CNTNAP5: variants seen among roughly 807,000 people sequenced by gnomAD.
CNTNAP5 encodes the protein contactin-associated protein-like 5.
In CNTNAP5, 72 loss-of-function variants were observed where a neutral mutation model predicts 150.2. That is an observed-to-expected ratio of 0.48 (90% CI 0.40 to 0.58). The LOEUF (loss-of-function observed/expected upper bound fraction) is 0.58. CNTNAP5 is among the 20% of genes least tolerant of loss of function. CNTNAP5 has a pLI of 0.00. For missense variants in CNTNAP5, 1,636 were observed against 1,626.2 expected (o/e 1.01, Z -0.10); for synonymous variants, 672 against 619.8 (o/e 1.08, Z -1.25).
chr2:124,555,737 T>C (rs1247525732), intron 10 of CNTNAP5, among the ~76,000 whole-genome samples: 1 of 152,186 alleles, frequency 6.6e-6, no homozygotes, highest in Non-Finnish European at 1.5e-5. Flanking sequence ...AACTCTGTCA[T>C]GTGCAAAAAA....
chr2:124,583,335 G>T (rs990744220), intron 11 of CNTNAP5, among the ~76,000 whole-genome samples: 1 of 152,160 alleles, frequency 6.6e-6, no homozygotes, highest in South Asian at 2.1e-4. Flanking sequence ...GTACATAGCC[G>T]GGAACGATAT....
At chr2:124,746,276 A>G (rs1393149475) in intron 13 of CNTNAP5, among the ~76,000 whole-genome samples, 1 of 152,202 alleles carries the variant, frequency 6.6e-6, no homozygotes, top group Non-Finnish European at 1.5e-5. Context: ...TCACTTTAAG[A>G]ATGATAATTC....
At chr2:124,844,515 G>C (rs192291763) in intron 19 of CNTNAP5, among the ~76,000 whole-genome samples, 30 of 152,060 alleles carry the variant, frequency 2.0e-4, no homozygotes, top group Admixed American at 1.0e-3. Flanking sequence ...GGTTCCATCT[G>C]AATTTTAGGA....
rs143615551 is a variant in CNTNAP5 at position 124,378,778 on chromosome 2, G to A, written c.382-38665G>A. Among the ~76,000 whole-genome samples, 244 of 152,154 alleles carry A rather than the reference G, an allele frequency of 1.6e-3. 1 individual carries two copies. The highest frequency in any genetic ancestry group is 5.5e-3 in the African/African-American group (230 of 41,524). On this transcript the variant is annotated intron_variant, in intron 3 of 23. Transcript: ENST00000682447. ...TATCTATTCTTGTTGGATGATGCTC[G>A]TATCGAGGTATTGCTGACTTCATTT...
intron 3 of CNTNAP5, among the ~76,000 whole-genome samples, chr2:124,356,263 A>C (rs1690001515): frequency 6.6e-6 from 1 of 151,974 alleles, no homozygotes; most frequent in Non-Finnish European, 1.5e-5. Flanking sequence ...ACTTTACTTT[A>C]GAAATATGCT....
chr2:124,683,786 C>A (rs1031746242), intron 13 of CNTNAP5, among the ~76,000 whole-genome samples: 3 of 152,054 alleles, frequency 2.0e-5, no homozygotes, highest in African/African-American at 4.8e-5. Context: ...ACTTTTCTAC[C>A]CTCTTCAAGA....
intron 3 of CNTNAP5, among the ~76,000 whole-genome samples, chr2:124,244,657 C>T (rs1469879945): frequency 6.6e-6 from 1 of 152,108 alleles, no homozygotes; most frequent in Non-Finnish European, 1.5e-5. Context: ...ACCATTACAA[C>T]TTCCAATTTA....
intron 1 of CNTNAP5, among the ~76,000 whole-genome samples, chr2:124,221,439 GC>G (rs1686309667): frequency 6.6e-6 from 1 of 152,090 alleles, no homozygotes; most frequent in African/African-American, 2.4e-5. Context: ...AATTCTGGCT[GC>G]GCTATTTTCT....
chr2:124,610,696 C>G (rs904920648), intron 12 of CNTNAP5, among the ~76,000 whole-genome samples: 1 of 152,050 alleles, frequency 6.6e-6, no homozygotes, highest in Non-Finnish European at 1.5e-5. Context: ...TGCGATGGCT[C>G]ACGCCTGTAA....
chr2:124,156,128 A>G (rs1255858849), intron 1 of CNTNAP5, among the ~76,000 whole-genome samples: 2 of 152,232 alleles, frequency 1.3e-5, no homozygotes, highest in Non-Finnish European at 2.9e-5. Flanking sequence ...GGTAATCTTG[A>G]TTTCGTAAAA....
chr2:124,278,643 A>T (rs974531839), intron 3 of CNTNAP5, among the ~76,000 whole-genome samples: 2 of 152,260 alleles, frequency 1.3e-5, no homozygotes, highest in South Asian at 4.1e-4. Context: ...ATCAAACCCA[A>T]TCTGCTCATT....
At chr2:124,410,057 C>G (rs951918246) in intron 3 of CNTNAP5, among the ~76,000 whole-genome samples, 11 of 151,598 alleles carry the variant, frequency 7.3e-5, no homozygotes, top group African/African-American at 2.4e-4. Flanking sequence ...AAATGGAAAA[C>G]AAAAAAAGGC....
At chr2:124,571,742 G>T (rs1696166923) in intron 11 of CNTNAP5, among the ~76,000 whole-genome samples, 1 of 151,342 alleles carries the variant, frequency 6.6e-6, no homozygotes. Flanking sequence ...ATGTAGATCA[G>T]GCTGGTCTCG....
At chr2:124,431,914 C>T (rs890992652) in intron 4 of CNTNAP5, among the ~76,000 whole-genome samples, 3 of 152,030 alleles carry the variant, frequency 2.0e-5, no homozygotes, top group Non-Finnish European at 4.4e-5. Context: ...GGGCTCCTCT[C>T]CTTAGTTTAA....
chr2:124,259,584 T>G (rs1259905104), intron 3 of CNTNAP5, among the ~76,000 whole-genome samples: 1 of 152,196 alleles, frequency 6.6e-6, no homozygotes, highest in Admixed American at 6.5e-5. Context: ...ATTGTGGTTT[T>G]GATTTGCATT....
chr2:124,267,613 G>C (rs1302096032), intron 3 of CNTNAP5, among the ~76,000 whole-genome samples: 1 of 152,088 alleles, frequency 6.6e-6, no homozygotes, highest in Non-Finnish European at 1.5e-5. Context: ...ATTAAATTAG[G>C]GGAGAACATT....
chr2:124,395,105 G>A (rs995131576), intron 3 of CNTNAP5, among the ~76,000 whole-genome samples: 21 of 152,098 alleles, frequency 1.4e-4, no homozygotes, highest in Admixed American at 3.9e-4. Context: ...AGTTGGAATC[G>A]GGGAAGGGAA....
At position 124,902,906 on chromosome 2, in the gene CNTNAP5, T is replaced by C. The variant is rs749648048; in HGVS notation, c.3461T>C (p.Val1154Ala). 5 of 1,609,630 alleles carry C rather than the reference T, an allele frequency of 3.1e-6. No individual in the cohort carries two copies. The highest frequency in any genetic ancestry group is 1.1e-5 in the South Asian group (1 of 90,804). Residue 1154 changes from valine to alanine, a missense_variant, in exon 22 of 24, where the codon GTT becomes GCT. By Grantham distance (64) the Val-to-Ala change is moderately conservative. Coordinates refer to ENST00000682447, the MANE Select transcript of CNTNAP5 (RefSeq NM_001367498.1). ...GAGAATCTTGGTTTGGATTCTGAAG[T>C]TGCTAAAGCAAATGCCATGGGTTTT... ...VTENLGLDSE[V>A]AKANAMGFAG...
At chr2:124,041,418 G>A (rs1373402114) in intron 1 of CNTNAP5, among the ~76,000 whole-genome samples, 2 of 151,928 alleles carry the variant, frequency 1.3e-5, no homozygotes, top group Non-Finnish European at 2.9e-5. Flanking sequence ...TTTATGTGCT[G>A]GGAAGGTTTG....
Sources: gnomAD v4.1 joint callset for allele counts (sites outside exome capture counted in the v4.1 genomes callset) on GRCh38, gnomAD v4.1.1 for gene constraint, MANE v1.5 for transcripts, NCBI Gene and HGNC (gene_info 2026-07-23, HGNC 2026-07-21) for gene names.